SLC4A5: variants seen among roughly 807,000 people sequenced by gnomAD.
SLC4A5 encodes solute carrier family 4 member 5.
Under a neutral mutation model 120.4 loss-of-function variants are expected in SLC4A5, and 96 were observed. The ratio of observed to expected loss-of-function variants is 0.80; its 90% CI spans 0.68 to 0.94. The LOEUF is 0.94. Among genes scored for constraint, SLC4A5 ranks in the 40% least tolerant of loss-of-function variants. The pLI is 0.00. For missense variants in SLC4A5, 1,259 were observed against 1,459.5 expected (o/e 0.86, Z 2.24); for synonymous variants, 550 against 571.1 (o/e 0.96, Z 0.53).
intron 25 of SLC4A5, 26 bp from the exon 26 acceptor site, chr2:74,227,904 C>T (rs771631416): frequency 2.2e-5 from 34 of 1,568,308 alleles, no homozygotes; most frequent in African/African-American, 1.2e-4. Context: ...AGCTTTGGAT[C>T]GGCCTCTGCC....
intron 5 of SLC4A5, among the ~76,000 whole-genome samples, chr2:74,325,627 T>C (rs1462468333): frequency 6.6e-6 from 1 of 152,238 alleles, no homozygotes; most frequent in Non-Finnish European, 1.5e-5. Flanking sequence ...GCATTTCATA[T>C]AATGTGTATT....
chr2:74,277,950 A>C (rs1671696720), intron 8 of SLC4A5, among the ~76,000 whole-genome samples: 1 of 152,198 alleles, frequency 6.6e-6, no homozygotes. Context: ...AAACAAAAAA[A>C]GTGGTGGAGA....
At chr2:74,297,663 T>TC (rs899901474) in intron 7 of SLC4A5, among the ~76,000 whole-genome samples, 39 of 152,106 alleles carry the variant, frequency 2.6e-4, no homozygotes, top group Admixed American at 9.2e-4. Flanking sequence ...ACACATTTTT[T>TC]CCCCCCAGGG....
chr2:74,229,116 T>TTTTTTTTTTTTTTTTTTTG (rs1553451209), intron 25 of SLC4A5, among the ~76,000 whole-genome samples: 22 of 136,534 alleles, frequency 1.6e-4, no homozygotes, highest in African/African-American at 4.9e-4. Flanking sequence ...TTTTTTTTTT[T>TTTTTTTTTTTTTTTTTTTG]CTTGAGACAG....
At chr2:74,286,550 T>A (rs189282571) in intron 7 of SLC4A5, among the ~76,000 whole-genome samples, 113 of 151,982 alleles carry the variant, frequency 7.4e-4, no homozygotes, top group Admixed American at 2.5e-3. Flanking sequence ...CTTTTCTTCA[T>A]CTCTCTCTCT....
intron 7 of SLC4A5, among the ~76,000 whole-genome samples, chr2:74,300,211 G>A (rs940736231): frequency 6.6e-6 from 1 of 152,208 alleles, no homozygotes; most frequent in Admixed American, 6.5e-5. Flanking sequence ...GGTCGGATGT[G>A]GAAGATGGGG....
chr2:74,261,751 C>T (rs1274831305), intron 11 of SLC4A5, among the ~76,000 whole-genome samples: 1 of 152,188 alleles, frequency 6.6e-6, no homozygotes, highest in Non-Finnish European at 1.5e-5. Flanking sequence ...GGAATGCTGC[C>T]TGACTGAACT....
intron 8 of SLC4A5, among the ~76,000 whole-genome samples, chr2:74,279,975 C>T (rs1306021369): frequency 6.6e-6 from 1 of 152,194 alleles, no homozygotes; most frequent in Non-Finnish European, 1.5e-5. Context: ...CCAAGTCTTG[C>T]CCCCTTTTAT....
At chr2:74,307,111 C>A in intron 6 of SLC4A5, 1 of 551,524 alleles carries the variant, frequency 1.8e-6, no homozygotes, top group Non-Finnish European at 3.4e-6. Flanking sequence ...AAGGACTGGA[C>A]TGTACGTCTC....
chr2:74,254,063 G>A (rs1445596506), intron 14 of SLC4A5, among the ~76,000 whole-genome samples: 2 of 152,188 alleles, frequency 1.3e-5, no homozygotes, highest in East Asian at 3.8e-4. Context: ...GCCTGCAGCC[G>A]CAAGCACCGC....
intron 3 of SLC4A5, among the ~76,000 whole-genome samples, chr2:74,338,101 C>T (rs1444916418): frequency 1.3e-5 from 2 of 151,976 alleles, no homozygotes; most frequent in African/African-American, 4.8e-5. Context: ...AGGACAGTGG[C>T]GAGATCAGAG....
At chr2:74,238,120 A>G (rs1670329254) in intron 21 of SLC4A5, among the ~76,000 whole-genome samples, 1 of 152,042 alleles carries the variant, frequency 6.6e-6, no homozygotes, top group Non-Finnish European at 1.5e-5. Flanking sequence ...TAATAATAAT[A>G]AAATAATAAT....
chr2:74,241,887 C>T, intron 20 of SLC4A5, 107 bp downstream of exon 20: 1 of 956,490 alleles, frequency 1.0e-6, no homozygotes, highest in Non-Finnish European at 1.6e-6. Flanking sequence ...TGGAGTTGAC[C>T]TCTGCAAGTC....
chr2:74,227,546 C>G, intron 26 of SLC4A5: 1 of 1,612,254 alleles, frequency 6.2e-7, no homozygotes, highest in Non-Finnish European at 8.5e-7. Flanking sequence ...ATTTTGAATT[C>G]TGACCCTCCG....
At chr2:74,314,451 G>A (rs1156998547) in intron 6 of SLC4A5, among the ~76,000 whole-genome samples, 1 of 152,108 alleles carries the variant, frequency 6.6e-6, no homozygotes, top group Non-Finnish European at 1.5e-5. Flanking sequence ...GTGGGGCTGG[G>A]GTAACGATGG....
chr2:74,244,568 C>G (rs1436893222), intron 19 of SLC4A5, among the ~76,000 whole-genome samples: 1 of 149,532 alleles, frequency 6.7e-6, no homozygotes, highest in Non-Finnish European at 1.5e-5. Flanking sequence ...CTCTCTTCTT[C>G]TTCTTCTTCC....
intron 17 of SLC4A5, among the ~76,000 whole-genome samples, chr2:74,250,090 G>A (rs1477334327): frequency 6.6e-6 from 1 of 152,212 alleles, no homozygotes; most frequent in African/African-American, 2.4e-5. Context: ...CACAGCAGAT[G>A]ATTCCCCTTA....
intron 6 of SLC4A5, among the ~76,000 whole-genome samples, chr2:74,313,883 C>T (rs745918345): frequency 4.6e-5 from 7 of 152,152 alleles, no homozygotes; most frequent in Non-Finnish European, 1.0e-4. Context: ...AAGGCCCCAA[C>T]CCAAGAGGCA....
intron 5 of SLC4A5, among the ~76,000 whole-genome samples, chr2:74,323,246 A>G (rs1181251638): frequency 6.6e-6 from 1 of 152,154 alleles, no homozygotes; most frequent in Non-Finnish European, 1.5e-5. Flanking sequence ...CTCAAAAAAA[A>G]GAGAGAGAGA....
Sources: allele counts gnomAD v4.1 joint callset (sites outside exome capture counted in the v4.1 genomes callset), GRCh38; gene constraint gnomAD v4.1.1; transcripts MANE v1.5; gene names NCBI Gene and HGNC (gene_info 2026-07-23, HGNC 2026-07-21).